Variants in OSTM1 observed in about 807,000 individuals in gnomAD.
OSTM1 encodes the protein osteopetrosis-associated transmembrane protein 1.
In OSTM1, 26 loss-of-function variants were observed where a neutral mutation model predicts 35.4. The observed-to-expected ratio is 0.73, with a 90% CI of 0.54 to 1.02. The LOEUF is 1.02. OSTM1 is among the 50% of genes least tolerant of loss of function. The pLI is 0.00. For missense variants in OSTM1, 366 were observed against 409.6 expected, an observed-to-expected ratio of 0.89 and a Z score of 0.92; for synonymous variants, 181 against 165.0, an observed-to-expected ratio of 1.10 and a Z score of -0.75.
At chr6:108,072,776 G>A (rs571410773) in intron 1 of OSTM1, among the ~76,000 whole-genome samples, 5 of 151,670 alleles carry the variant, frequency 3.3e-5, no homozygotes, top group African/African-American at 9.7e-5. Context: ...TATTTATTGT[G>A]AGATGGAGTC....
At position 108,044,507 on chromosome 6, in the gene OSTM1, A is replaced by C; in HGVS notation, c.*278T>G. The C allele has an allele frequency of 4.0e-6, 1 of 250,804 alleles. No individual in the cohort carries two copies. Among genetic ancestry groups the C allele is most frequent in the Non-Finnish European group, 7.6e-6 (1 of 132,448 alleles). The allele number at this position is 250,804 out of a possible 1,614,324, so 15.5% of individuals were successfully genotyped here. A position where few individuals can be genotyped will look rare whatever the true frequency, so the allele number is the denominator to read the frequency against. ...CTAGAATAGTAATCAAATGCCTATA[A>C]AATAAAATAATGATTGTTCTTGCAT... On this transcript the variant is annotated 3_prime_UTR_variant, in exon 6 of 6. Coordinates refer to ENST00000193322, the MANE Select transcript of OSTM1 (RefSeq NM_014028.4).
rs6928888 is a variant in OSTM1, at chr6:108,067,899, T to C, written c.403-3600A>G. 9.2e-3 allele frequency among the ~76,000 whole-genome samples: 1,400 copies of C among 151,550 alleles called. 18 individuals are homozygous for C. The highest frequency in any genetic ancestry group is 0.032 in the African/African-American group (1,330 of 41,280). ...AGTCTCTGAGTCCCACATTGCTCTT[T>C]AGTGACTTCTCTTTCTTATCTCCCC... On this transcript the variant is annotated intron_variant, in intron 1 of 5. Transcript: ENST00000193322.
At chr6:108,066,468 G>C (rs942803438) in intron 1 of OSTM1, among the ~76,000 whole-genome samples, 4 of 152,214 alleles carry the variant, frequency 2.6e-5, no homozygotes, top group Non-Finnish European at 5.9e-5. Flanking sequence ...GGAAGAATTG[G>C]AGAGATAAAG....
intron 4 of OSTM1, among the ~76,000 whole-genome samples, chr6:108,050,026 G>A (rs1582387748): frequency 6.6e-6 from 1 of 152,188 alleles, no homozygotes; most frequent in East Asian, 1.9e-4. Flanking sequence ...GCATCATAGT[G>A]CCTAAAAAGG....
intron 4 of OSTM1, 55 bp downstream of exon 4, chr6:108,050,976 A>C: frequency 7.4e-7 from 1 of 1,347,958 alleles, no homozygotes; most frequent in Non-Finnish European, 1.1e-6. Context: ...ATCATACTGA[A>C]GGTACATTCA....
intron 1 of OSTM1, among the ~76,000 whole-genome samples, chr6:108,066,693 C>A (rs1772384696): frequency 6.6e-6 from 1 of 152,082 alleles, no homozygotes; most frequent in South Asian, 2.1e-4. Context: ...GAAGAGTGAA[C>A]CTAGACAACT....
Position 108,043,788 on chromosome 6 carries a change from G to A in OSTM1, c.*997C>T, listed in dbSNP as rs1210093576. On this transcript the variant is annotated 3_prime_UTR_variant, in exon 6 of 6. Coordinates refer to ENST00000193322, the MANE Select transcript of OSTM1 (RefSeq NM_014028.4). ...ATTTTCTGCATGAGACTATCGTTCC[G>A]ATTCATCCCCTCAATACACACCACT... The A allele has an allele frequency of 5.3e-5, 8 of 152,192 alleles. No individual in the cohort carries two copies. The highest frequency in any genetic ancestry group is 4.2e-4 in the South Asian group (2 of 4,816). 9.4% of individuals were successfully genotyped at this position (152,192 alleles called of 1,614,324 possible).
chr6:108,049,312 A>G lies in OSTM1; in HGVS notation c.890T>C (p.Val297Ala), dbSNP rs1488253459. 3 of 1,613,324 alleles carry G rather than the reference A, an allele frequency of 1.9e-6. No individual in the cohort carries two copies. Among genetic ancestry groups the G allele is most frequent in the East Asian group, 4.5e-5 (2 of 44,864 alleles). Residue 297 changes from valine (V) to alanine (A), a missense_variant, in exon 5 of 6, where the codon GTT (valine) becomes GCT (alanine). By Grantham distance (64) the Val-to-Ala change is moderately conservative. Transcript: ENST00000193322. The part of the protein sequence containing the change: ...AVSVFILFLP[V>A]VFYLSSFLHS... Reference sequence around the variant, plus strand: ...AAGAAAGCTACTAAGGTAGAAGACAACAGGTAGAAAGAGAATGAACACAGA... The same window carrying G: ...AAGAAAGCTACTAAGGTAGAAGACAGCAGGTAGAAAGAGAATGAACACAGA...
chr6:108,073,354 C>T (rs1326777231), intron 1 of OSTM1, among the ~76,000 whole-genome samples: 1 of 152,146 alleles, frequency 6.6e-6, no homozygotes, highest in Non-Finnish European at 1.5e-5. Context: ...TCGTGACTCC[C>T]ACCAACCCTG....
intron 2 of OSTM1, among the ~76,000 whole-genome samples, chr6:108,055,124 C>T (rs776721489): frequency 1.8e-4 from 27 of 152,084 alleles, no homozygotes; most frequent in Non-Finnish European, 2.6e-4. Context: ...AAAATACTGA[C>T]GTGGGGGCTT....
chr6:108,071,127 G>T (rs1461265593), intron 1 of OSTM1, among the ~76,000 whole-genome samples: 2 of 151,628 alleles, frequency 1.3e-5, no homozygotes, highest in Non-Finnish European at 2.9e-5. Flanking sequence ...GGTGGAGCTT[G>T]CAGTGAGCTG....
At chr6:108,074,109 G>A (rs566564755) in intron 1 of OSTM1, 141 bp downstream of exon 1, 6 of 802,890 alleles carry the variant, frequency 7.5e-6, no homozygotes, top group African/African-American at 6.9e-5. Context: ...CCCTTTTTCT[G>A]ATGACCCAAC....
intron 4 of OSTM1, chr6:108,049,688 C>T (rs1236988899): frequency 6.5e-6 from 3 of 461,420 alleles, no homozygotes; most frequent in African/African-American, 4.0e-5. Flanking sequence ...ACCATTTGTA[C>T]ATTCAAACAA....
intron 4 of OSTM1, chr6:108,049,668 T>C: frequency 1.6e-6 from 1 of 633,944 alleles, no homozygotes; most frequent in Non-Finnish European, 2.3e-6. Flanking sequence ...CAAAGTATTC[T>C]AGAATGTCAA....
chr6:108,052,698 G>A (rs190067803), intron 3 of OSTM1, among the ~76,000 whole-genome samples: 1 of 152,086 alleles, frequency 6.6e-6, no homozygotes, highest in East Asian at 1.9e-4. Context: ...TAATGTGAAA[G>A]TTGCAGACAT....
chr6:108,062,535 C>CTTTTTTTTTTTTTTTTTTTTT (rs780041339), intron 2 of OSTM1, among the ~76,000 whole-genome samples: 2 of 131,076 alleles, frequency 1.5e-5, no homozygotes, highest in Non-Finnish European at 3.2e-5. Context: ...CTTTTCTTTT[C>CTTTTTTTTTTTTTTTTTTTTT]TTTTTTTTTT....
chr6:108,062,073 G>A (rs567876474), intron 2 of OSTM1, among the ~76,000 whole-genome samples: 70 of 151,212 alleles, frequency 4.6e-4, no homozygotes, highest in African/African-American at 1.7e-3. Context: ...ATATACTATG[G>A]TTTTTTCTGT....
chr6:108,064,347 T>C (rs1466618345), intron 1 of OSTM1, 48 bp from the exon 2 acceptor site: 1 of 1,069,222 alleles, frequency 9.4e-7, no homozygotes, highest in South Asian at 1.3e-5. Flanking sequence ...ATTTTCAGAC[T>C]TTGCAAACAA....
Position 108,074,459 on chromosome 6 carries a change from C to G in OSTM1, c.193G>C (p.Gly65Arg). 1 of 1,557,354 alleles carries G rather than the reference C, an allele frequency of 6.4e-7. No individual in the cohort carries two copies. ...VEDLSLSLLQ[G>R]GGLGPLSLPP... ...AGCGACAGAGGCCCCAGCCCTCCACCCTGCAGGAGGGACAGGGACAAGTCC... is the reference window on the plus strand; with the variant it reads ...AGCGACAGAGGCCCCAGCCCTCCACGCTGCAGGAGGGACAGGGACAAGTCC... Residue 65 changes from glycine (G) to arginine (R), a missense_variant, in exon 1 of 6, where the codon GGT becomes CGT. Gly to Arg is a moderately radical substitution (Grantham distance 125). This residue lies in a region of OSTM1 where 236 missense variants were observed against 239.3 expected (regional missense o/e 0.99). Coordinates refer to ENST00000193322, the MANE Select transcript of OSTM1 (RefSeq NM_014028.4).
Sources: gnomAD v4.1 joint callset for allele counts (sites outside exome capture counted in the v4.1 genomes callset) on GRCh38, gnomAD v4.1.1 for gene constraint, gnomAD v4.1.1 regional missense constraint, MANE v1.5 for transcripts, NCBI Gene and HGNC (gene_info 2026-07-23, HGNC 2026-07-21) for gene names.